Variants in CDH8 observed in about 807,000 individuals in gnomAD.
The protein encoded by CDH8 is cadherin 8.
CDH8 carries 17 observed loss-of-function variants against 68.1 expected under a neutral mutation model. That is an observed-to-expected ratio of 0.25 (90% confidence interval 0.17 to 0.37). The LOEUF (loss-of-function observed/expected upper bound fraction) is 0.37, where lower values mean the gene tolerates loss of function less well. Ranked by LOEUF, CDH8 falls within the 10% of genes least tolerant of loss-of-function variation. CDH8 has a pLI of 1.00. For missense variants in CDH8, 763 were observed against 999.3 expected, an observed-to-expected ratio of 0.76 and a Z score of 3.19; for synonymous variants, 372 against 365.1, an observed-to-expected ratio of 1.02 and a Z score of -0.21.
intron 2 of CDH8, among the ~76,000 whole-genome samples, chr16:61,959,185 C>T (rs1024640417): frequency 6.6e-6 from 1 of 152,064 alleles, no homozygotes; most frequent in Non-Finnish European, 1.5e-5. Flanking sequence ...CTGTGGGCAC[C>T]TCTCACATAG....
chr16:62,004,363 T>G (rs1965939724), intron 2 of CDH8, among the ~76,000 whole-genome samples: 1 of 152,132 alleles, frequency 6.6e-6, no homozygotes, highest in South Asian at 2.1e-4. Context: ...TTGTCTAACT[T>G]CAGAGCAGAA....
chr16:61,721,114 A>G (rs1959213507), intron 9 of CDH8, among the ~76,000 whole-genome samples: 1 of 150,648 alleles, frequency 6.6e-6, no homozygotes, highest in Admixed American at 6.6e-5. Context: ...CCTCCAATAT[A>G]TATATATTCA....
intron 2 of CDH8, among the ~76,000 whole-genome samples, chr16:61,948,918 C>T (rs1353487574): frequency 6.6e-6 from 1 of 152,154 alleles, no homozygotes; most frequent in African/African-American, 2.4e-5. Context: ...AGAGAATGAA[C>T]ATGTTCAAAA....
chr16:61,797,667 G>A (rs188316863), intron 7 of CDH8, among the ~76,000 whole-genome samples: 23 of 152,186 alleles, frequency 1.5e-4, no homozygotes, highest in African/African-American at 5.5e-4. Context: ...ATCACAGTGA[G>A]TGTTTATCAT....
chr16:61,851,875 G>A (rs1269570319), intron 4 of CDH8, among the ~76,000 whole-genome samples: 1 of 151,878 alleles, frequency 6.6e-6, no homozygotes, highest in Non-Finnish European at 1.5e-5. Context: ...TCATTCCCAG[G>A]TATGAACTAT....
At chr16:61,678,242 C>G (rs1267671954) in intron 10 of CDH8, among the ~76,000 whole-genome samples, 1 of 152,038 alleles carries the variant, frequency 6.6e-6, no homozygotes, top group African/African-American at 2.4e-5. Context: ...ATGTATAAAA[C>G]TAGGCTGTGC....
intron 2 of CDH8, among the ~76,000 whole-genome samples, chr16:61,991,698 C>T (rs1198661693): frequency 6.6e-6 from 1 of 152,156 alleles, no homozygotes; most frequent in Admixed American, 6.5e-5. Flanking sequence ...TGGAAGTTAT[C>T]CAAGATCTCA....
chr16:61,837,103 T>A (rs754928726), intron 4 of CDH8, among the ~76,000 whole-genome samples: 5 of 151,868 alleles, frequency 3.3e-5, no homozygotes, highest in Non-Finnish European at 7.4e-5. Flanking sequence ...GACTTGCCTC[T>A]TTCCTCACAT....
rs1456769717 is a variant in CDH8 at position 61,660,250 on chromosome 16, A to C, written c.1655-4529T>G. On this transcript the variant is annotated intron_variant, in intron 10 of 11. Coordinates refer to ENST00000577390, the MANE Select transcript of CDH8 (RefSeq NM_001796.5). ...ACAGAAGATTATGAGACATGCAAAG[A>C]ATGAAGAAAATATGACCCACAGCAG... Among the ~76,000 whole-genome samples the C allele has an allele frequency of 3.3e-5, 5 of 151,246 alleles. No homozygotes were observed. In the East Asian group the frequency reaches 9.7e-4, roughly 29 times the overall value.
intron 4 of CDH8, among the ~76,000 whole-genome samples, chr16:61,842,936 G>C (rs1962719384): frequency 6.6e-6 from 1 of 152,094 alleles, no homozygotes; most frequent in Non-Finnish European, 1.5e-5. Flanking sequence ...GACAGGTGTT[G>C]GCAGTCAGCA....
intron 9 of CDH8, among the ~76,000 whole-genome samples, chr16:61,724,282 T>C (rs1481222245): frequency 6.6e-6 from 1 of 150,804 alleles, no homozygotes. Flanking sequence ...GAACTGGAGA[T>C]AACTGCCTAG....
chr16:61,950,006 T>G (rs1964865388), intron 2 of CDH8, among the ~76,000 whole-genome samples: 1 of 147,388 alleles, frequency 6.8e-6, no homozygotes, highest in African/African-American at 2.5e-5. Flanking sequence ...AAAAAAATCC[T>G]AAGCTTCATG....
At position 61,653,941 on chromosome 16, in the gene CDH8, A is replaced by G; in HGVS notation, c.2067T>C (p.Asp689=). ...AFDIATLQNP[D]GINGFLPRKD... is the part of the protein sequence containing the mutation. ...TACGGGGTAAAAATCCATTAATTCCATCTGGATTTTGTAAAGTTGCAATGT... is the reference window on the plus strand; with the variant it reads ...TACGGGGTAAAAATCCATTAATTCCGTCTGGATTTTGTAAAGTTGCAATGT... The change falls in exon 12 of 12, where the codon GAT becomes GAC. Residue 689 remains aspartate (D), a synonymous_variant. Transcript: ENST00000577390. 6.2e-7 allele frequency: 1 copy of G among 1,614,164 alleles called. No homozygotes were observed. Among genetic ancestry groups the G allele is most frequent in the Admixed American group, 1.7e-5 (1 of 60,020 alleles).
intron 8 of CDH8, among the ~76,000 whole-genome samples, chr16:61,759,836 C>T (rs1210768079): frequency 1.3e-5 from 2 of 152,034 alleles, no homozygotes; most frequent in African/African-American, 2.4e-5. Flanking sequence ...AGTTTCTTCC[C>T]CTGGATATGG....
chr16:62,003,503 T>G (rs187778334), intron 2 of CDH8, among the ~76,000 whole-genome samples: 1 of 151,320 alleles, frequency 6.6e-6, no homozygotes, highest in East Asian at 2.0e-4. Context: ...TTTATACTTG[T>G]ATGCGTGAAC....
chr16:61,662,087 G>GTTTTTTTTTTTTTTTTGTTTTTTTT (rs1963572314), intron 10 of CDH8, among the ~76,000 whole-genome samples: 1 of 92,792 alleles, frequency 1.1e-5, no homozygotes, highest in Non-Finnish European at 2.2e-5. Flanking sequence ...TTTTACTTTA[G>GTTTTTTTTTTTTTTTTGTTTTTTTT]TTTTTTTTTT....
At chr16:61,887,553 CT>C (rs1031855929) in intron 3 of CDH8, among the ~76,000 whole-genome samples, 2 of 152,102 alleles carry the variant, frequency 1.3e-5, no homozygotes, top group African/African-American at 4.8e-5. Context: ...ACTTGTGCCC[CT>C]GATGTCTCTT....
At chr16:61,924,217 T>C (rs1964422276) in intron 2 of CDH8, among the ~76,000 whole-genome samples, 1 of 152,174 alleles carries the variant, frequency 6.6e-6, no homozygotes, top group South Asian at 2.1e-4. Context: ...TCGAAATGTT[T>C]CCATTAGGGA....
chr16:61,655,842 G>A, intron 10 of CDH8, 121 bp from the exon 11 acceptor site: 2 of 816,544 alleles, frequency 2.4e-6, no homozygotes, highest in Non-Finnish European at 3.8e-6. Flanking sequence ...TCAAAGGACT[G>A]CTCAGGCTTT....
Sources: allele counts gnomAD v4.1 joint callset (sites outside exome capture counted in the v4.1 genomes callset), GRCh38; gene constraint gnomAD v4.1.1; transcripts MANE v1.5; gene names NCBI Gene and HGNC (gene_info 2026-07-23, HGNC 2026-07-21).